Variants in CPNE8 observed in about 807,000 individuals in gnomAD.
CPNE8 encodes the protein copine 8, also known as copine-8.
A neutral mutation model predicts 81.5 loss-of-function variants in CPNE8; 45 were observed. The ratio of observed to expected loss-of-function variants is 0.55; its 90% CI spans 0.44 to 0.71. The LOEUF is 0.71. Ranked by LOEUF, CPNE8 falls within the 30% of genes least tolerant of loss-of-function variation. The pLI, the probability that CPNE8 is intolerant of heterozygous loss-of-function variation, is 0.00. For synonymous variants in CPNE8, 252 were observed against 226.3 expected, an observed-to-expected ratio of 1.11 and a Z score of -1.02; for missense variants, 594 against 672.1, an observed-to-expected ratio of 0.88 and a Z score of 1.28.
rs568763719 is a variant in CPNE8, at chr12:38,665,298, A to G, written c.1506+5431T>C. Reference sequence around the variant, plus strand: ...GCATGTTGACCACATGGTAATTTAGACCCTTATAATATTTAGTTTAGAAGA... The same window carrying G: ...GCATGTTGACCACATGGTAATTTAGGCCCTTATAATATTTAGTTTAGAAGA... On this transcript the variant is annotated intron_variant, in intron 19 of 19. Coordinates refer to ENST00000331366, the MANE Select transcript of CPNE8 (RefSeq NM_153634.3). Among the ~76,000 whole-genome samples the G allele has an allele frequency of 8.5e-5, 13 of 152,292 alleles. No individual in the cohort carries two copies. The South Asian group carries it at 2.5e-3, about 29-fold the overall frequency.
intron 3 of CPNE8, among the ~76,000 whole-genome samples, chr12:38,850,073 A>G (rs1046427536): frequency 1.3e-5 from 2 of 152,164 alleles, no homozygotes; most frequent in African/African-American, 4.8e-5. Context: ...AGGGAGTGGG[A>G]ATAAGAGTAT....
At chr12:38,782,945 G>T (rs1394809746) in intron 6 of CPNE8, among the ~76,000 whole-genome samples, 2 of 152,096 alleles carry the variant, frequency 1.3e-5, no homozygotes, top group Non-Finnish European at 2.9e-5. Flanking sequence ...CTCCCAAAGT[G>T]CAGGAATTGC....
At chr12:38,716,289 A>T (rs886992352) in intron 13 of CPNE8, among the ~76,000 whole-genome samples, 2 of 152,108 alleles carry the variant, frequency 1.3e-5, no homozygotes, top group Admixed American at 6.6e-5. Flanking sequence ...CAGAATGAGT[A>T]AACACTATCC....
At position 38,724,870 on chromosome 12, in the gene CPNE8, C is replaced by CT; in HGVS notation, c.827dup (p.Lys277GlufsTer5). 1 of 1,501,402 alleles carries CT rather than the reference C, an allele frequency of 6.7e-7. No homozygotes were observed. Among genetic ancestry groups the CT allele is most frequent in the Non-Finnish European group, 9.2e-7 (1 of 1,087,464 alleles). The allele number at this position is 1,501,402 out of a possible 1,614,324, so 93.0% of individuals were successfully genotyped here. A position where few individuals can be genotyped will look rare whatever the true frequency, so the allele number is the denominator to read the frequency against. ...CTGTTCCAGAATTAGTATATTTTTTCTTTTTTCCTTTCTTTTTGGGATTCA... is the reference window on the plus strand; with the variant it reads ...CTGTTCCAGAATTAGTATATTTTTTCTTTTTTTCCTTTCTTTTTGGGATTCA... On this transcript the variant is annotated frameshift_variant, in exon 12 of 20. Coordinates refer to ENST00000331366, the MANE Select transcript of CPNE8 (RefSeq NM_153634.3). LOFTEE classifies it high-confidence loss of function.
chr12:38,696,772 T>C (rs1939808297), intron 14 of CPNE8, among the ~76,000 whole-genome samples: 1 of 152,160 alleles, frequency 6.6e-6, no homozygotes, highest in South Asian at 2.1e-4. Context: ...CAGCTGGGCA[T>C]GGTGGCTCAT....
intron 1 of CPNE8, among the ~76,000 whole-genome samples, chr12:38,878,466 A>G (rs1304782212): frequency 6.6e-6 from 1 of 152,172 alleles, no homozygotes; most frequent in Non-Finnish European, 1.5e-5. Context: ...CTCAATTCTC[A>G]TGCATATTCA....
intron 1 of CPNE8, among the ~76,000 whole-genome samples, chr12:38,876,854 A>C (rs1944075074): frequency 6.6e-6 from 1 of 152,232 alleles, no homozygotes; most frequent in African/African-American, 2.4e-5. Context: ...ACACTGCAAA[A>C]GACCAGTGAT....
At chr12:38,857,305 A>G (rs1477087273) in intron 3 of CPNE8, among the ~76,000 whole-genome samples, 3 of 152,218 alleles carry the variant, frequency 2.0e-5, no homozygotes, top group East Asian at 1.9e-4. Flanking sequence ...TATAATTGGC[A>G]GTACATGAAT....
At chr12:38,767,100 T>C (rs1207401305) in intron 8 of CPNE8, among the ~76,000 whole-genome samples, 1 of 152,118 alleles carries the variant, frequency 6.6e-6, no homozygotes, top group South Asian at 2.1e-4. Flanking sequence ...GTCAGATATA[T>C]TTAATAGCAG....
intron 6 of CPNE8, among the ~76,000 whole-genome samples, chr12:38,789,726 A>T (rs887650979): frequency 5.9e-5 from 9 of 152,044 alleles, no homozygotes; most frequent in Admixed American, 5.2e-4. Flanking sequence ...CAGAATACAT[A>T]AGTAGCTCAA....
chr12:38,824,286 C>T (rs1028874050), intron 6 of CPNE8, among the ~76,000 whole-genome samples: 1 of 151,712 alleles, frequency 6.6e-6, no homozygotes, highest in African/African-American at 2.4e-5. Context: ...TAAAAAAGCC[C>T]GAGGTTAAAT....
intron 3 of CPNE8, among the ~76,000 whole-genome samples, chr12:38,868,754 T>C (rs1264478284): frequency 1.3e-5 from 2 of 152,186 alleles, no homozygotes; most frequent in African/African-American, 4.8e-5. Flanking sequence ...CTCTTGAACA[T>C]CAAGTATACC....
intron 6 of CPNE8, among the ~76,000 whole-genome samples, chr12:38,790,202 C>T (rs968761631): frequency 7.9e-5 from 12 of 151,332 alleles, no homozygotes; most frequent in African/African-American, 2.9e-4. Context: ...ATTGGAAAAC[C>T]ACGTAGAATA....
intron 5 of CPNE8, among the ~76,000 whole-genome samples, chr12:38,834,454 A>T (rs1454867901): frequency 1.3e-5 from 2 of 152,256 alleles, no homozygotes; most frequent in East Asian, 3.9e-4. Context: ...GGAACCTAGT[A>T]GCCACTCTAA....
chr12:38,750,260 T>C (rs1095577), intron 10 of CPNE8, among the ~76,000 whole-genome samples: 123,407 of 152,156 alleles, frequency 0.81, 52,841 homozygotes, highest in Middle Eastern at 0.97. Context: ...CCTGGGTGCC[T>C]AGGAAGAAGT....
intron 3 of CPNE8, among the ~76,000 whole-genome samples, chr12:38,861,240 A>G (rs1943829577): frequency 6.6e-6 from 1 of 152,112 alleles, no homozygotes; most frequent in South Asian, 2.1e-4. Context: ...CGGGGGAGAG[A>G]AAAACGGGAA....
chr12:38,654,436 G>A (rs1471972478), intron 19 of CPNE8, among the ~76,000 whole-genome samples: 1 of 144,562 alleles, frequency 6.9e-6, no homozygotes, highest in African/African-American at 2.5e-5. Context: ...AATTGCTTGA[G>A]CCCAGGAGGC....
chr12:38,846,345 C>G (rs1466566916), intron 4 of CPNE8, among the ~76,000 whole-genome samples: 2 of 152,036 alleles, frequency 1.3e-5, no homozygotes, highest in Admixed American at 6.6e-5. Context: ...GATTTTCATT[C>G]AGTATGTCCA....
At chr12:38,906,034 G>C (rs1368132882), upstream of CPNE8, 1 of 987,196 alleles carries the variant, frequency 1.0e-6, no homozygotes, top group African/African-American at 1.7e-5. Flanking sequence ...GTGTGGACGG[G>C]AAGGTCTCGA....
Sources: allele counts gnomAD v4.1 joint callset (sites outside exome capture counted in the v4.1 genomes callset), GRCh38; gene constraint gnomAD v4.1.1; transcripts MANE v1.5; gene names NCBI Gene and HGNC (gene_info 2026-07-23, HGNC 2026-07-21).